BRIP1: variants seen among roughly 807,000 people sequenced by gnomAD.
BRIP1 encodes Fanconi anemia group J protein.
A neutral mutation model predicts 119.7 loss-of-function variants in BRIP1; 88 were observed. The observed-to-expected ratio is 0.74, with a 90% CI of 0.62 to 0.88. The LOEUF (loss-of-function observed/expected upper bound fraction) is 0.88, where lower values mean the gene tolerates loss of function less well. Ranked by LOEUF, BRIP1 falls within the 40% of genes least tolerant of loss-of-function variation. The pLI, the probability that BRIP1 is intolerant of heterozygous loss-of-function variation, is 0.00. For synonymous variants in BRIP1, 443 were observed against 496.5 expected (o/e 0.89, Z 1.43); for missense variants, 1,259 against 1,455.4 (o/e 0.87, Z 2.20).
chr17:61,683,028 A>C lies in BRIP1; in HGVS notation c.*268T>G, dbSNP rs1291562504. ...ACACCTGTAGTCCCAGCTACTCAGA[A>C]GGCTGAGGCAGGAGAATCACTTGAA... is the stretch of plus-strand genomic sequence containing the variant. On this transcript the variant is annotated 3_prime_UTR_variant, in exon 20 of 20. Transcript: ENST00000259008. The surrounding 1 kb of genome is among the most constrained non-coding windows in gnomAD (Gnocchi z 4.7). The C allele has an allele frequency of 2.4e-6, 1 of 413,078 alleles. No individual in the cohort carries two copies. Among genetic ancestry groups the C allele is most frequent in the Non-Finnish European group, 4.4e-6 (1 of 228,312 alleles). The allele number at this position is 413,078 out of a possible 1,614,324, so 25.6% of individuals were successfully genotyped here. A position where few individuals can be genotyped will look rare whatever the true frequency, so the allele number is the denominator to read the frequency against.
At chr17:61,784,556 A>C in intron 10 of BRIP1, 132 bp from the exon 11 acceptor site, 1 of 833,186 alleles carries the variant, frequency 1.2e-6, no homozygotes, top group Non-Finnish European at 1.9e-6. Flanking sequence ...ATAGTTTGAT[A>C]GTCTGACTTC....
Position 61,681,002 on chromosome 17 carries a change from G to A in BRIP1, c.*2294C>T, listed in dbSNP as rs2061262618. 6.6e-6 allele frequency among the ~76,000 whole-genome samples: 1 copy of A among 152,120 alleles called. No individual in the cohort carries two copies. Among genetic ancestry groups the A allele is most frequent in the Non-Finnish European group, 1.5e-5 (1 of 68,012 alleles). On this transcript the variant is annotated 3_prime_UTR_variant, in exon 20 of 20. Coordinates refer to ENST00000259008, the MANE Select transcript of BRIP1 (RefSeq NM_032043.3). The surrounding 1 kb of genome is among the most constrained non-coding windows in gnomAD (Gnocchi z 5.1). Reference sequence around the variant, plus strand: ...CCTCAAGAAACTTACAATCATGGCGGAAGGCAACTTTTCACAGGGCAGCAG... The same window carrying A: ...CCTCAAGAAACTTACAATCATGGCGAAAGGCAACTTTTCACAGGGCAGCAG...
At position 61,706,759 on chromosome 17, in the gene BRIP1, A is replaced by G. The variant is rs572839987; in HGVS notation, c.2492+9192T>C. On this transcript the variant is annotated intron_variant, in intron 17 of 19. Coordinates refer to ENST00000259008, the MANE Select transcript of BRIP1 (RefSeq NM_032043.3). This position sits in a 1 kb window ranked among gnomAD's most constrained non-coding sequence, Gnocchi z 5.7. Reference sequence around the variant, plus strand: ...ATAATTAGATTTCCTTTATTGTACAAGACTTTTTGCCTTCCCTGGAGTTAA... The same window carrying G: ...ATAATTAGATTTCCTTTATTGTACAGGACTTTTTGCCTTCCCTGGAGTTAA... Among the ~76,000 whole-genome samples, 6 of 152,292 alleles carry G rather than the reference A, an allele frequency of 3.9e-5. No individual in the cohort carries two copies. Among genetic ancestry groups the G allele is most frequent in the Non-Finnish European group, 8.8e-5 (6 of 68,004 alleles).
rs554452956 is a variant in BRIP1, at chr17:61,742,227, G to A, written c.2379+786C>T. Reference sequence around the variant, plus strand: ...TTTCACAGAATTGAAGAGAGTTAGGGCCTTGCTCTGAATTAAGTTTTGGCT... The same window carrying A: ...TTTCACAGAATTGAAGAGAGTTAGGACCTTGCTCTGAATTAAGTTTTGGCT... On this transcript the variant is annotated intron_variant, in intron 16 of 19. Transcript: ENST00000259008. The surrounding 1 kb of genome is among the most constrained non-coding windows in gnomAD (Gnocchi z 4.7). 4.9e-4 allele frequency among the ~76,000 whole-genome samples: 74 copies of A among 152,312 alleles called. No individual in the cohort carries two copies. The highest frequency in any genetic ancestry group is 9.0e-4 in the Non-Finnish European group (61 of 68,026).
chr17:61,802,927 T>C lies in BRIP1; in HGVS notation c.919-1453A>G, dbSNP rs1467196284. ...CATCCTTATCAACACTGGTGTTATCTTTTGTTATCTCTATCTTAAAAGTAA... is the reference window on the plus strand; with the variant it reads ...CATCCTTATCAACACTGGTGTTATCCTTTGTTATCTCTATCTTAAAAGTAA... On this transcript the variant is annotated intron_variant, in intron 7 of 19. Coordinates refer to ENST00000259008, the MANE Select transcript of BRIP1 (RefSeq NM_032043.3). The surrounding 1 kb of genome is among the most constrained non-coding windows in gnomAD (Gnocchi z 6.0). Among the ~76,000 whole-genome samples, 1 of 152,244 alleles carries C rather than the reference T, an allele frequency of 6.6e-6. No homozygotes were observed. The highest frequency in any genetic ancestry group is 1.9e-4 in the East Asian group (1 of 5,204).
At chr17:61,790,237 T>C (rs1336838276) in intron 10 of BRIP1, among the ~76,000 whole-genome samples, 2 of 152,138 alleles carry the variant, frequency 1.3e-5, no homozygotes, top group Non-Finnish European at 2.9e-5. Context: ...TTCCTTCACC[T>C]AACATAATAT....
In BRIP1 at chr17:61,682,632, T is replaced by A. The variant is rs1222028092; in HGVS notation, c.*664A>T. The A allele has an allele frequency of 5.1e-6, 1 of 196,598 alleles. No homozygotes were observed. Among genetic ancestry groups the A allele is most frequent in the Non-Finnish European group, 1.1e-5 (1 of 94,850 alleles). The allele number at this position is 196,598 out of a possible 1,614,324, so 12.2% of individuals were successfully genotyped here. A position where few individuals can be genotyped will look rare whatever the true frequency, so the allele number is the denominator to read the frequency against. On this transcript the variant is annotated 3_prime_UTR_variant, in exon 20 of 20. Coordinates refer to ENST00000259008, the MANE Select transcript of BRIP1 (RefSeq NM_032043.3). The surrounding 1 kb of genome is among the most constrained non-coding windows in gnomAD (Gnocchi z 4.9). ...TCTTGGACTGATTTGAGGTAAAATCTATAGCGAAATATGACTGAGGTGTCA... is the reference window on the plus strand; with the variant it reads ...TCTTGGACTGATTTGAGGTAAAATCAATAGCGAAATATGACTGAGGTGTCA...
rs915366753 is a variant in BRIP1 at position 61,734,800 on chromosome 17, A to G, written c.2379+8213T>C. On this transcript the variant is annotated intron_variant, in intron 16 of 19. Coordinates refer to ENST00000259008, the MANE Select transcript of BRIP1 (RefSeq NM_032043.3). The surrounding 1 kb of genome is among the most constrained non-coding windows in gnomAD (Gnocchi z 5.2). ...CTGTATTTTAACTTTTACTTCCATA[A>G]TCTTTCTCAAATTTAAGAAAAAATT... is the stretch of plus-strand genomic sequence containing the variant. 2.0e-5 allele frequency among the ~76,000 whole-genome samples: 3 copies of G among 152,198 alleles called. No homozygotes were observed. Among genetic ancestry groups the G allele is most frequent in the Non-Finnish European group, 4.4e-5 (3 of 68,022 alleles).
At position 61,758,832 on chromosome 17, in the gene BRIP1, A is replaced by G. The variant is rs541625366; in HGVS notation, c.2098-14241T>C. Among the ~76,000 whole-genome samples, 5 of 65,992 alleles carry G rather than the reference A, an allele frequency of 7.6e-5. No individual in the cohort carries two copies. In the South Asian group the frequency reaches 3.4e-3, roughly 45 times the overall value. The allele number at this position is 65,992 out of a possible 152,430, so 43.3% of individuals were successfully genotyped here. ...AGTGTGGGCAAAACAGCAAGACCCT[A>G]TCTCTAAAAAAAAAAAAGTTTTTAA... On this transcript the variant is annotated intron_variant, in intron 14 of 19. Coordinates refer to ENST00000259008, the MANE Select transcript of BRIP1 (RefSeq NM_032043.3). This position sits in a 1 kb window ranked among gnomAD's most constrained non-coding sequence, Gnocchi z 5.3.
At position 61,776,368 on chromosome 17, in the gene BRIP1, T is replaced by G; in HGVS notation, c.2097+33A>C. On this transcript the variant is annotated intron_variant, in intron 14 of 19. Coordinates refer to ENST00000259008, the MANE Select transcript of BRIP1 (RefSeq NM_032043.3). The surrounding 1 kb of genome is among the most constrained non-coding windows in gnomAD (Gnocchi z 5.0). ...AATGTTTAAAATGTAAATGATTATT[T>G]AAAGGCAAAAGAAACAATAAATATT... 6.2e-7 allele frequency: 1 copy of G among 1,611,918 alleles called. No individual in the cohort carries two copies.
chr17:61,750,211 T>C (rs552320416), intron 14 of BRIP1, among the ~76,000 whole-genome samples: 1 of 152,216 alleles, frequency 6.6e-6, no homozygotes. Context: ...TGTTGAGAAT[T>C]TGTATCATGA....
In BRIP1 at chr17:61,765,112, A is replaced by T. The variant is rs149392504; in HGVS notation, c.2097+11289T>A. Among the ~76,000 whole-genome samples the T allele has an allele frequency of 2.6e-5, 4 of 151,532 alleles. No homozygotes were observed. The East Asian group carries it at 7.8e-4, about 29-fold the overall frequency. ...TAGATGCTGGCAACTTGATACTTGG[A>T]CTTCTTAGTCTCCAGAATTGTGAGA... On this transcript the variant is annotated intron_variant, in intron 14 of 19. Transcript: ENST00000259008.
intron 14 of BRIP1, among the ~76,000 whole-genome samples, chr17:61,772,052 T>C (rs1449019295): frequency 6.6e-6 from 1 of 151,020 alleles, no homozygotes; most frequent in African/African-American, 2.4e-5. Context: ...AGGTCACAAA[T>C]AGATATTTGT....
In BRIP1 at chr17:61,803,622, C is replaced by CA. The variant is rs918423193; in HGVS notation, c.919-2149dup. Among the ~76,000 whole-genome samples the CA allele has an allele frequency of 6.7e-5, 10 of 149,502 alleles. No homozygotes were observed. The highest frequency in any genetic ancestry group is 2.1e-4 in the South Asian group (1 of 4,704). Reference sequence around the variant, plus strand: ...TGGGCAACAGAGTGAGATCCTGTCTCAAAAAAAAATACTCATTATGTGCAT... The same window carrying CA: ...TGGGCAACAGAGTGAGATCCTGTCTCAAAAAAAAAATACTCATTATGTGCAT... On this transcript the variant is annotated intron_variant, in intron 7 of 19. Coordinates refer to ENST00000259008, the MANE Select transcript of BRIP1 (RefSeq NM_032043.3). This position sits in a 1 kb window ranked among gnomAD's most constrained non-coding sequence, Gnocchi z 4.3.
At position 61,740,951 on chromosome 17, in the gene BRIP1, T is replaced by C. The variant is rs1379693701; in HGVS notation, c.2379+2062A>G. On this transcript the variant is annotated intron_variant, in intron 16 of 19. Coordinates refer to ENST00000259008, the MANE Select transcript of BRIP1 (RefSeq NM_032043.3). The surrounding 1 kb of genome is among the most constrained non-coding windows in gnomAD (Gnocchi z 5.4). Reference sequence around the variant, plus strand: ...TTGCTCTATCATGTGACTCTTCCTTTCACAATAGATTTCTCTGTGGCATAA... The same window carrying C: ...TTGCTCTATCATGTGACTCTTCCTTCCACAATAGATTTCTCTGTGGCATAA... 2.0e-5 allele frequency among the ~76,000 whole-genome samples: 3 copies of C among 152,128 alleles called. No homozygotes were observed. Among genetic ancestry groups the C allele is most frequent in the African/African-American group, 7.2e-5 (3 of 41,408 alleles).
At position 61,679,965 on chromosome 17, in the gene BRIP1, A is replaced by G. The variant is rs934983460; in HGVS notation, c.*3331T>C. ...AATTTTTGAAACACCTTTTGGAATT[A>G]CTAAAGGGTTGTGACACATCTCTAT... On this transcript the variant is annotated 3_prime_UTR_variant, in exon 20 of 20. Coordinates refer to ENST00000259008, the MANE Select transcript of BRIP1 (RefSeq NM_032043.3). This position sits in a 1 kb window ranked among gnomAD's most constrained non-coding sequence, Gnocchi z 4.4. 6.6e-6 allele frequency among the ~76,000 whole-genome samples: 1 copy of G among 152,152 alleles called. No individual in the cohort carries two copies. Among genetic ancestry groups the G allele is most frequent in the African/African-American group, 2.4e-5 (1 of 41,430 alleles).
intron 10 of BRIP1, among the ~76,000 whole-genome samples, chr17:61,792,738 A>G (rs2077837804): frequency 6.6e-6 from 1 of 152,186 alleles, no homozygotes; most frequent in African/African-American, 2.4e-5. Context: ...CACACTCTGT[A>G]TGATACTGTA....
Position 61,823,957 on chromosome 17 carries a change from G to T in BRIP1, c.628-15200C>A, listed in dbSNP as rs574667065. On this transcript the variant is annotated intron_variant, in intron 6 of 19. Transcript: ENST00000259008. The surrounding 1 kb of genome is among the most constrained non-coding windows in gnomAD (Gnocchi z 4.8). ...GACTCCTGAGCAGCAGAGATTACAG[G>T]CATGTGCCGCCGCACCTGCCTAATT... Among the ~76,000 whole-genome samples the T allele has an allele frequency of 6.6e-6, 1 of 152,266 alleles. No homozygotes were observed. The highest frequency in any genetic ancestry group is 6.5e-5 in the Admixed American group (1 of 15,292).
intron 3 of BRIP1, among the ~76,000 whole-genome samples, chr17:61,858,134 T>C (rs1346656681): frequency 6.6e-6 from 1 of 152,182 alleles, no homozygotes; most frequent in Non-Finnish European, 1.5e-5. Flanking sequence ...AAGTTTACAT[T>C]GTGTGCCTAC....
Sources: gnomAD v4.1 joint callset for allele counts (sites outside exome capture counted in the v4.1 genomes callset) on GRCh38, gnomAD v4.1.1 for gene constraint, Gnocchi (gnomAD v3.1) non-coding constraint, MANE v1.5 for transcripts, NCBI Gene and HGNC (gene_info 2026-07-23, HGNC 2026-07-21) for gene names.